The following DNAH1 variants were observed in gnomAD, a reference collection of about 807,000 sequenced individuals.
DNAH1 encodes dynein axonemal heavy chain 1, also known as axonemal beta dynein heavy chain 1.
A neutral mutation model predicts 484.3 loss-of-function variants in DNAH1; 327 were observed. The observed-to-expected ratio is 0.68, with a 90% CI of 0.62 to 0.74. The LOEUF is 0.74. DNAH1 is among the 30% of genes least tolerant of loss of function. The probability of loss-of-function intolerance (pLI) is 0.00; values close to 1 mark genes in which losing one functional copy is unlikely to be tolerated. For synonymous variants in DNAH1, 2,192 were observed against 2,191.9 expected (o/e 1.00, Z 0.00); for missense variants, 5,052 against 5,546.8 (o/e 0.91, Z 2.83).
At position 52,323,796 on chromosome 3, in the gene DNAH1, G is replaced by A. The variant is rs144102868; in HGVS notation, c.334-12G>A. On this transcript the variant is annotated splice_polypyrimidine_tract_variant and intron_variant, in intron 2 of 77. Coordinates refer to ENST00000420323, the MANE Select transcript of DNAH1 (RefSeq NM_015512.5). The stretch of plus-strand genomic sequence containing the variant: ...GTTGACACATACTCAGGGCTCCATG[G>A]TTTGGTTTCAGGAGGTATGTCGTGG... 3.1e-3 allele frequency: 4,926 copies of A among 1,586,290 alleles called. 11 individuals are homozygous for A. The highest frequency in any genetic ancestry group is 3.6e-3 in the Non-Finnish European group (4,179 of 1,165,894).
Position 52,326,898 on chromosome 3 carries a change from C to T in DNAH1, c.738+7C>T, listed in dbSNP as rs374190110. 26 of 1,610,224 alleles carry T rather than the reference C, an allele frequency of 1.6e-5. No homozygotes were observed. The highest frequency in any genetic ancestry group is 1.6e-4 in the East Asian group (7 of 44,712). On this transcript the variant is annotated splice_region_variant and intron_variant, in intron 5 of 77. Transcript: ENST00000420323. Reference sequence around the variant, plus strand: ...CATCTACCTCCCACTGAAGGTGAGCCGGGCTTCCACAGATGGTTGAGAGAC... The same window carrying T: ...CATCTACCTCCCACTGAAGGTGAGCTGGGCTTCCACAGATGGTTGAGAGAC...
rs1704781435 is a variant in DNAH1, at chr3:52,399,102, C to T, written c.12342C>T (p.Ile4114=). The T allele has an allele frequency of 6.2e-7, 1 of 1,613,960 alleles. No individual in the cohort carries two copies. The highest frequency in any genetic ancestry group is 1.3e-5 in the African/African-American group (1 of 74,946). The change falls in exon 76 of 78, where the codon ATC becomes ATT. Residue 4114 remains isoleucine, a synonymous_variant. Coordinates refer to ENST00000420323, the MANE Select transcript of DNAH1 (RefSeq NM_015512.5). ...ATGGCATCCCAGCTGTCTTCTGGAT[C>T]AGTGGATTCTTCTTCCCCCAGGCTT... The part of the protein sequence containing the change: ...IQDGIPAVFW[I]SGFFFPQAFL...
In DNAH1 at chr3:52,399,714, C is replaced by A; in HGVS notation, c.12611C>A (p.Pro4204His). The change falls in exon 77 of 78, where the codon CCC (proline) becomes CAC (histidine). Residue 4204 changes from proline to histidine, a missense_variant. Pro to His is a moderately conservative substitution (Grantham distance 77, BLOSUM62 -2). Transcript: ENST00000420323. ...EMAVIWLLPT[P>H]NRKAQDQDFY... is the part of the protein sequence containing the mutation. The stretch of plus-strand genomic sequence containing the variant: ...GCCGTTATCTGGCTCTTGCCAACAC[C>A]CAACCGCAAGGCCCAGGACCAGGAC... The A allele has an allele frequency of 1.2e-6, 2 of 1,614,026 alleles. No individual in the cohort carries two copies. Among genetic ancestry groups the A allele is most frequent in the South Asian group, 1.1e-5 (1 of 91,090 alleles).
chr3:52,370,259 C>T (rs1203908702), intron 39 of DNAH1, 30 bp downstream of exon 39: 2 of 1,607,322 alleles, frequency 1.2e-6, no homozygotes, highest in Non-Finnish European at 1.7e-6. Flanking sequence ...GCTAGATGCA[C>T]CTGGTCCCTC....
At chr3:52,385,098 T>C (rs1191379742) in intron 53 of DNAH1, 121 bp downstream of exon 53, 3 of 1,262,160 alleles carry the variant, frequency 2.4e-6, no homozygotes, top group Non-Finnish European at 3.2e-6. Context: ...GACGTTGAAG[T>C]GGGTGGCTTC....
chr3:52,386,794 G>T lies in DNAH1; in HGVS notation c.8944G>T (p.Gly2982Cys). The T allele has an allele frequency of 6.3e-7, 1 of 1,592,980 alleles. No homozygotes were observed. The highest frequency in any genetic ancestry group is 8.5e-7 in the Non-Finnish European group (1 of 1,170,140). ...CAAGGTGGATGACTACTGGGAGCCT[G>T]GCAAGGGGCTGCTGCAGGACCCGGG... ...GTKVDDYWEP[G>C]KGLLQDPGHF... The change falls in exon 56 of 78, where the codon GGC becomes TGC. Residue 2982 changes from glycine (G) to cysteine (C), a missense_variant. Gly to Cys is a radical substitution (Grantham distance 159). This residue lies in a region of DNAH1 where 2,929 missense variants were observed against 3,409.4 expected (regional missense o/e 0.86). Transcript: ENST00000420323.
intron 8 of DNAH1, among the ~76,000 whole-genome samples, chr3:52,333,844 G>T (rs1188865622): frequency 2.6e-5 from 4 of 152,046 alleles, no homozygotes; most frequent in African/African-American, 9.7e-5. Flanking sequence ...TAGGCTTTGT[G>T]TTACATAATT....
chr3:52,374,115 T>G, intron 44 of DNAH1: 1 of 1,153,112 alleles, frequency 8.7e-7, no homozygotes, highest in Non-Finnish European at 1.3e-6. Context: ...AAAACCACCC[T>G]TCACAGAATC....
chr3:52,385,398 T>G lies in DNAH1; in HGVS notation c.8576T>G (p.Leu2859Arg). The part of the protein sequence containing the change: ...MQEDLESMHP[L>R]LEEAAKDTML... Reference sequence around the variant, plus strand: ...GAGGACCTGGAGAGTATGCACCCCCTGCTGGAGGAGGCTGCCAAGGACACC... The same window carrying G: ...GAGGACCTGGAGAGTATGCACCCCCGGCTGGAGGAGGCTGCCAAGGACACC... Residue 2859 changes from leucine to arginine, a missense_variant, in exon 54 of 78, where the codon CTG becomes CGG. Coordinates refer to ENST00000420323, the MANE Select transcript of DNAH1 (RefSeq NM_015512.5). 1.3e-6 allele frequency: 2 copies of G among 1,552,856 alleles called. No individual in the cohort carries two copies. Among genetic ancestry groups the G allele is most frequent in the Non-Finnish European group, 1.7e-6 (2 of 1,147,616 alleles).
At position 52,388,792 on chromosome 3, in the gene DNAH1, G is replaced by C. The variant is rs1486402833; in HGVS notation, c.9364-14G>C. 3 of 1,612,862 alleles carry C rather than the reference G, an allele frequency of 1.9e-6. No individual in the cohort carries two copies. Among genetic ancestry groups the C allele is most frequent in the Non-Finnish European group, 1.7e-6 (2 of 1,179,788 alleles). Reference sequence around the variant, plus strand: ...CAGCCTCCCAGAGCCCACCCCACGGGGCTGCCCCTCCAGCTCATCAACGGG... The same window carrying C: ...CAGCCTCCCAGAGCCCACCCCACGGCGCTGCCCCTCCAGCTCATCAACGGG... On this transcript the variant is annotated splice_polypyrimidine_tract_variant and intron_variant, in intron 58 of 77. Coordinates refer to ENST00000420323, the MANE Select transcript of DNAH1 (RefSeq NM_015512.5).
chr3:52,357,662 T>C lies in DNAH1; in HGVS notation c.3907T>C (p.Cys1303Arg). ...DLRMLDSLRD[C>R]NKILDLVQKG... ...GAGAATGCTGGACAGCCTGCGGGACTGCAACAAGATTCTGGACCTGGTGCA... is the reference window on the plus strand; with the variant it reads ...GAGAATGCTGGACAGCCTGCGGGACCGCAACAAGATTCTGGACCTGGTGCA... The change falls in exon 23 of 78, where the codon TGC (cysteine) becomes CGC (arginine). Residue 1303 changes from cysteine to arginine, a missense_variant. Transcript: ENST00000420323. 6.3e-7 allele frequency: 1 copy of C among 1,598,032 alleles called. No individual in the cohort carries two copies. Among genetic ancestry groups the C allele is most frequent in the Non-Finnish European group, 8.5e-7 (1 of 1,171,878 alleles).
chr3:52,359,957 C>T lies in DNAH1; in HGVS notation c.4449C>T (p.Arg1483=), dbSNP rs752606069. 23 of 1,613,798 alleles carry T rather than the reference C, an allele frequency of 1.4e-5. No homozygotes were observed. Among genetic ancestry groups the T allele is most frequent in the Non-Finnish European group, 1.8e-5 (21 of 1,179,904 alleles). The change falls in exon 27 of 78, where the codon CGC becomes CGT. Residue 1483 remains arginine, a synonymous_variant. Coordinates refer to ENST00000420323, the MANE Select transcript of DNAH1 (RefSeq NM_015512.5). ...CCCTTGTGCGGGGGAAGCTGTCCCGCATGCAGCGGGCAGTGCTGTCAGCGC... is the reference window on the plus strand; with the variant it reads ...CCCTTGTGCGGGGGAAGCTGTCCCGTATGCAGCGGGCAGTGCTGTCAGCGC... The part of the protein sequence containing the change: ...LVALVRGKLS[R]MQRAVLSALI...
rs749595549 is a variant in DNAH1, at chr3:52,357,725, G to A, written c.3970G>A (p.Ala1324Thr). 1.5e-5 allele frequency: 24 copies of A among 1,577,776 alleles called. No individual in the cohort carries two copies. In the South Asian group the frequency reaches 2.4e-4, roughly 16 times the overall value. The change falls in exon 23 of 78, where the codon GCC (alanine) becomes ACC (threonine). Residue 1324 changes from alanine to threonine, a missense_variant. Physicochemically the swap from Ala to Thr is moderately conservative, Grantham distance 58. Transcript: ENST00000420323. ...LSEYLETKRS[A>T]FPRFYFLSDD... ...CGAGTATCTGGAGACCAAGAGGAGC[G>A]CCTTCCCCAGGTGGGCGCCACCTGG...
chr3:52,345,967 C>T (rs1245611770), intron 10 of DNAH1, among the ~76,000 whole-genome samples: 1 of 152,208 alleles, frequency 6.6e-6, no homozygotes, highest in East Asian at 1.9e-4. Context: ...CATCCCAACT[C>T]TGGTTGCCTC....
At chr3:52,320,218 C>T (rs1032375624) in intron 1 of DNAH1, among the ~76,000 whole-genome samples, 4 of 152,212 alleles carry the variant, frequency 2.6e-5, no homozygotes, top group African/African-American at 9.6e-5. Context: ...TGAAGCTGAG[C>T]CCCAAGGCGT....
At chr3:52,348,371 T>A (rs571304528) in intron 12 of DNAH1, among the ~76,000 whole-genome samples, 18 of 152,240 alleles carry the variant, frequency 1.2e-4, no homozygotes, top group African/African-American at 3.4e-4. Context: ...ACGCTCTTGA[T>A]CCCACCCAGC....
chr3:52,399,441 A>C, intron 76 of DNAH1, 104 bp from the exon 77 acceptor site: 1 of 1,074,704 alleles, frequency 9.3e-7, no homozygotes, highest in Non-Finnish European at 1.4e-6. Flanking sequence ...GATGATGGGC[A>C]GGCAGGCAGC....
chr3:52,358,053 C>T lies in DNAH1; in HGVS notation c.4086+50C>T. On this transcript the variant is annotated intron_variant, in intron 24 of 77. Coordinates refer to ENST00000420323, the MANE Select transcript of DNAH1 (RefSeq NM_015512.5). This position sits in a 1 kb window ranked among gnomAD's most constrained non-coding sequence, Gnocchi z 4.2. ...GGGCTGGGAGCATGGGGCATCTTCC[C>T]AGGGAGAACGTCCCTCCCTTTGTGA... 4 of 1,406,308 alleles carry T rather than the reference C, an allele frequency of 2.8e-6. No homozygotes were observed. The highest frequency in any genetic ancestry group is 3.9e-6 in the Non-Finnish European group (4 of 1,028,958). 87.1% of individuals were successfully genotyped at this position (1,406,308 alleles called of 1,614,324 possible). A position where few individuals can be genotyped will look rare whatever the true frequency, so the allele number is the denominator to read the frequency against.
At chr3:52,344,366 T>A in intron 8 of DNAH1, 124 bp from the exon 9 acceptor site, 1 of 1,222,032 alleles carries the variant, frequency 8.2e-7, no homozygotes, top group Non-Finnish European at 1.1e-6. Flanking sequence ...GGTGTGCCCA[T>A]GAATCCAGAA....
Sources: gnomAD v4.1 joint callset for allele counts (sites outside exome capture counted in the v4.1 genomes callset) on GRCh38, gnomAD v4.1.1 for gene constraint, gnomAD v4.1.1 regional missense constraint, Gnocchi (gnomAD v3.1) non-coding constraint, MANE v1.5 for transcripts, NCBI Gene and HGNC (gene_info 2026-07-23, HGNC 2026-07-21) for gene names.